SSR1: variants seen among roughly 807,000 people sequenced by gnomAD.
SSR1 encodes signal sequence receptor subunit 1.
Under a neutral mutation model 36.1 loss-of-function variants are expected in SSR1, and 13 were observed. That is an observed-to-expected ratio of 0.36 (90% CI 0.23 to 0.57). SSR1 has a LOEUF of 0.57. Ranked by LOEUF, SSR1 falls within the 20% of genes least tolerant of loss-of-function variation. The pLI, the probability that SSR1 is intolerant of heterozygous loss-of-function variation, is 0.81. For missense variants in SSR1, 291 were observed against 338.5 expected (o/e 0.86, Z 1.10); for synonymous variants, 113 against 118.9 (o/e 0.95, Z 0.32).
intron 3 of SSR1, among the ~76,000 whole-genome samples, chr6:7,302,782 T>C (rs1273427358): frequency 6.7e-6 from 1 of 150,180 alleles, no homozygotes; most frequent in African/African-American, 2.5e-5. Flanking sequence ...AAACAAAAAA[T>C]CCTAGGCTCT....
intron 1 of SSR1, among the ~76,000 whole-genome samples, 159 bp downstream of exon 1, chr6:7,312,883 C>G (rs1242922618): frequency 6.6e-6 from 1 of 152,206 alleles, no homozygotes; most frequent in African/African-American, 2.4e-5. Context: ...CGCGGGGACC[C>G]CTGCTGCTAC....
chr6:7,298,618 G>GT lies in SSR1; in HGVS notation c.620+128dup, dbSNP rs1361561265. The GT allele has an allele frequency of 7.9e-6, 5 of 634,440 alleles. No individual in the cohort carries two copies. In the East Asian group the frequency reaches 8.3e-5, roughly 10 times the overall value. 39.3% of individuals were successfully genotyped at this position (634,440 alleles called of 1,614,324 possible). A position where few individuals can be genotyped will look rare whatever the true frequency, so the allele number is the denominator to read the frequency against. ...ATCATCTGAAGTATGAATGAATATC[G>GT]TAAGGATTTCACCAAATCTATACAG... On this transcript the variant is annotated intron_variant, in intron 5 of 7. Transcript: ENST00000244763.
chr6:7,310,109 A>T (rs1444589789), intron 1 of SSR1, 80 bp from the exon 2 acceptor site: 1 of 1,072,540 alleles, frequency 9.3e-7, no homozygotes, highest in Non-Finnish European at 1.4e-6. Flanking sequence ...GTATAGGCAA[A>T]AAAAACTTCC....
intron 7 of SSR1, 116 bp downstream of exon 7, chr6:7,295,276 A>C: frequency 9.2e-7 from 1 of 1,090,074 alleles, no homozygotes; most frequent in Non-Finnish European, 1.3e-6. Flanking sequence ...TACACAAGTA[A>C]TGGAAAAGAT....
At chr6:7,292,327 G>A (rs959580496) in intron 7 of SSR1, among the ~76,000 whole-genome samples, 8 of 147,410 alleles carry the variant, frequency 5.4e-5, no homozygotes, top group Non-Finnish European at 1.1e-4. Flanking sequence ...AGTTGCCTAA[G>A]TTCAGAATGC....
chr6:7,293,112 C>G (rs1031633382), intron 7 of SSR1, among the ~76,000 whole-genome samples: 7 of 151,906 alleles, frequency 4.6e-5, no homozygotes, highest in Non-Finnish European at 8.8e-5. Context: ...ACTGAGGAAC[C>G]GGTGGATACA....
intron 7 of SSR1, among the ~76,000 whole-genome samples, chr6:7,294,014 C>T (rs566151406): frequency 6.6e-6 from 1 of 152,222 alleles, no homozygotes; most frequent in Admixed American, 6.5e-5. Flanking sequence ...GAAATGGGGT[C>T]CCTTCCATAA....
chr6:7,306,642 T>C (rs906926707), intron 2 of SSR1, among the ~76,000 whole-genome samples: 16 of 146,170 alleles, frequency 1.1e-4, no homozygotes, highest in Middle Eastern at 4.7e-3. Context: ...CTAGGCCAGG[T>C]GCAGTGGCTC....
Position 7,285,678 on chromosome 6 carries a change from CAAAAAA to C in SSR1, c.*4180_*4185del, listed in dbSNP as rs61210009. The C allele has an allele frequency of 2.2e-5, 3 of 139,086 alleles. No homozygotes were observed. The highest frequency in any genetic ancestry group is 3.2e-5 in the Non-Finnish European group (2 of 63,230). The allele number at this position is 139,086 out of a possible 1,614,324, so 8.6% of individuals were successfully genotyped here. On this transcript the variant is annotated 3_prime_UTR_variant, in exon 8 of 8. Coordinates refer to ENST00000244763, the MANE Select transcript of SSR1 (RefSeq NM_003144.5). This position sits in a 1 kb window ranked among gnomAD's most constrained non-coding sequence, Gnocchi z 4.1. ...TGGGCAATACAGTGAGACCCCATGTCAAAAAAAAAAAGAAAAAGAAAAAGAAAAAAG... is the reference window on the plus strand; with the variant it reads ...TGGGCAATACAGTGAGACCCCATGTCAAAAAGAAAAAGAAAAAGAAAAAAG...
chr6:7,310,923 A>G (rs887012285), intron 1 of SSR1, among the ~76,000 whole-genome samples: 7 of 152,218 alleles, frequency 4.6e-5, no homozygotes, highest in Non-Finnish European at 8.8e-5. Context: ...AAAAATAAAA[A>G]TAAAAAAATA....
intron 6 of SSR1, chr6:7,296,951 T>C (rs1757809787): frequency 6.3e-6 from 1 of 158,592 alleles, no homozygotes; most frequent in Non-Finnish European, 1.4e-5. Context: ...CTGAGTGTGG[T>C]GGCTCATGCC....
In SSR1 at chr6:7,297,905, G is replaced by C. The variant is rs558791559; in HGVS notation, c.699+18C>G. 5.6e-6 allele frequency: 9 copies of C among 1,601,944 alleles called. No individual in the cohort carries two copies. The South Asian group carries it at 9.9e-5, about 18-fold the overall frequency. The stretch of plus-strand genomic sequence containing the variant: ...AACTTTTGAAACACGGCTGTAAGAG[G>C]TGTTCATCCATAATTACCTTTCTAG... On this transcript the variant is annotated intron_variant, in intron 6 of 7. Transcript: ENST00000244763.
At position 7,281,858 on chromosome 6, in the gene SSR1, C is replaced by T. The variant is rs1432219336; in HGVS notation, c.*8006G>A. ...AATGAGTCACAGGCAGTTAGAATGGCGTTAAGGAAACCATTTAGGTCTAAA... is the reference window on the plus strand; with the variant it reads ...AATGAGTCACAGGCAGTTAGAATGGTGTTAAGGAAACCATTTAGGTCTAAA... On this transcript the variant is annotated 3_prime_UTR_variant, in exon 8 of 8. Coordinates refer to ENST00000244763, the MANE Select transcript of SSR1 (RefSeq NM_003144.5). 1.3e-5 allele frequency: 2 copies of T among 152,102 alleles called. No individual in the cohort carries two copies. The highest frequency in any genetic ancestry group is 2.4e-5 in the African/African-American group (1 of 41,390). The allele number at this position is 152,102 out of a possible 1,614,324, so 9.4% of individuals were successfully genotyped here.
chr6:7,293,756 C>T (rs1261143868), intron 7 of SSR1, among the ~76,000 whole-genome samples: 1 of 152,032 alleles, frequency 6.6e-6, no homozygotes, highest in Non-Finnish European at 1.5e-5. Context: ...AGATGTGGAA[C>T]CCACCAATAT....
chr6:7,311,345 A>T (rs1227882328), intron 1 of SSR1, among the ~76,000 whole-genome samples: 1 of 152,244 alleles, frequency 6.6e-6, no homozygotes. Context: ...AGAAAAAATG[A>T]TGATGTGGCA....
chr6:7,297,594 A>T (rs1006748399), intron 6 of SSR1, among the ~76,000 whole-genome samples: 16 of 152,048 alleles, frequency 1.1e-4, no homozygotes, highest in African/African-American at 3.9e-4. Flanking sequence ...GTGTGGTGGC[A>T]TACACCTATG....
At chr6:7,305,791 T>G (rs545957649) in intron 2 of SSR1, among the ~76,000 whole-genome samples, 1 of 152,364 alleles carries the variant, frequency 6.6e-6, no homozygotes, top group South Asian at 2.1e-4. Context: ...TTCTTCACTT[T>G]CTGACACTGA....
Position 7,313,126 on chromosome 6 carries a change from T to C in SSR1, c.-6A>G, listed in dbSNP as rs762345664. ...AAGCGGGGGAGGAGTCTCATGGCGC[T>C]GCCGGTCCAGTGTCCAGTTTCCGTC... On this transcript the variant is annotated 5_prime_UTR_variant, in exon 1 of 8. Transcript: ENST00000244763. 1.9e-6 allele frequency: 3 copies of C among 1,601,190 alleles called. No homozygotes were observed. The highest frequency in any genetic ancestry group is 2.2e-5 in the South Asian group (2 of 89,666).
chr6:7,295,677 T>C (rs1757779941), intron 6 of SSR1, among the ~76,000 whole-genome samples, 192 bp from the exon 7 acceptor site: 1 of 152,228 alleles, frequency 6.6e-6, no homozygotes, highest in African/African-American at 2.4e-5. Flanking sequence ...CTGTTTACTC[T>C]AATTTTTAAA....
Sources: allele counts gnomAD v4.1 joint callset (sites outside exome capture counted in the v4.1 genomes callset), GRCh38; gene constraint gnomAD v4.1.1; non-coding constraint Gnocchi (gnomAD v3.1); transcripts MANE v1.5; gene names NCBI Gene and HGNC (gene_info 2026-07-23, HGNC 2026-07-21).